The following MACROD2 variants were observed in gnomAD, a reference collection of about 807,000 sequenced individuals.
MACROD2 encodes ADP-ribose glycohydrolase MACROD2.
Under a neutral mutation model 70.4 loss-of-function variants are expected in MACROD2, and 36 were observed. The observed-to-expected ratio is 0.51, with a 90% CI of 0.39 to 0.68. The LOEUF (loss-of-function observed/expected upper bound fraction) is 0.68. Ranked by LOEUF, MACROD2 falls within the 30% of genes least tolerant of loss-of-function variation. The pLI, the probability that MACROD2 is intolerant of heterozygous loss-of-function variation, is 0.00. For synonymous variants in MACROD2, 172 were observed against 178.8 expected (o/e 0.96, Z 0.30); for missense variants, 496 against 538.4 (o/e 0.92, Z 0.78).
intron 7 of MACROD2, among the ~76,000 whole-genome samples, chr20:15,451,809 C>G (rs2046647627): frequency 6.6e-6 from 1 of 152,174 alleles, no homozygotes; most frequent in African/African-American, 2.4e-5. Context: ...ACTGCTCGCT[C>G]TGCATCTCAG....
intron 6 of MACROD2, among the ~76,000 whole-genome samples, chr20:15,355,742 A>G (rs2078279555): frequency 6.6e-6 from 1 of 152,158 alleles, no homozygotes; most frequent in African/African-American, 2.4e-5. Flanking sequence ...CAATACTATC[A>G]CTTACGAAAT....
At chr20:14,990,012 A>G (rs1427228323) in intron 5 of MACROD2, among the ~76,000 whole-genome samples, 2 of 152,114 alleles carry the variant, frequency 1.3e-5, no homozygotes, top group African/African-American at 2.4e-5. Flanking sequence ...CTGTGGTTAC[A>G]TAGCTCTAAA....
At chr20:14,278,440 T>G (rs1353800031) in intron 3 of MACROD2, among the ~76,000 whole-genome samples, 1 of 152,186 alleles carries the variant, frequency 6.6e-6, no homozygotes, top group Admixed American at 6.5e-5. Flanking sequence ...GAAAATTAAT[T>G]GCTGTGAGTA....
At chr20:14,255,683 T>TAATAAATAAATA (rs199558871) in intron 3 of MACROD2, among the ~76,000 whole-genome samples, 443 of 136,930 alleles carry the variant, frequency 3.2e-3, no homozygotes, top group African/African-American at 9.8e-3. Context: ...CTTAAAAGTA[T>TAATAAATAAATA]AATAAATAAA....
chr20:14,819,422 G>A (rs1357994264), intron 5 of MACROD2, among the ~76,000 whole-genome samples: 1 of 149,362 alleles, frequency 6.7e-6, no homozygotes, highest in Non-Finnish European at 1.5e-5. Flanking sequence ...GAGAATTCAA[G>A]TTTCATTCAC....
intron 4 of MACROD2, among the ~76,000 whole-genome samples, chr20:14,576,805 CTTA>C (rs1340377944): frequency 6.6e-6 from 1 of 152,038 alleles, no homozygotes; most frequent in Non-Finnish European, 1.5e-5. Flanking sequence ...ATTTTCAGGG[CTTA>C]TATTGGAAGA....
intron 8 of MACROD2, among the ~76,000 whole-genome samples, chr20:15,665,401 C>T (rs550223948): frequency 1.3e-5 from 2 of 152,172 alleles, no homozygotes; most frequent in South Asian, 4.2e-4. Flanking sequence ...TATAACTCAC[C>T]CCTTACATGT....
intron 4 of MACROD2, among the ~76,000 whole-genome samples, chr20:14,666,716 A>G (rs1030583937): frequency 7.2e-5 from 11 of 151,852 alleles, no homozygotes; most frequent in Non-Finnish European, 1.3e-4. Context: ...CATGTGATAT[A>G]CTAGATACCA....
chr20:14,451,089 A>G (rs746145324), intron 3 of MACROD2, among the ~76,000 whole-genome samples: 4 of 152,118 alleles, frequency 2.6e-5, no homozygotes, highest in Non-Finnish European at 4.4e-5. Flanking sequence ...GGCTGGTCCC[A>G]GGAAGCACTG....
intron 2 of MACROD2, among the ~76,000 whole-genome samples, chr20:14,054,701 G>A (rs772561033): frequency 2.5e-4 from 38 of 152,148 alleles, no homozygotes; most frequent in Admixed American, 1.0e-3. Flanking sequence ...AGATGTCACA[G>A]AGAGGTGTAG....
At chr20:15,347,717 A>T (rs2078181763) in intron 6 of MACROD2, among the ~76,000 whole-genome samples, 1 of 152,214 alleles carries the variant, frequency 6.6e-6, no homozygotes, top group Non-Finnish European at 1.5e-5. Flanking sequence ...ACTTCTTTTT[A>T]AAAAATTGTC....
chr20:14,446,325 G>A (rs1219138175), intron 3 of MACROD2, among the ~76,000 whole-genome samples: 1 of 152,040 alleles, frequency 6.6e-6, no homozygotes, highest in Non-Finnish European at 1.5e-5. Flanking sequence ...ACCATTTATA[G>A]ATGTGGAAAT....
At chr20:16,019,325 A>G (rs964474216) in intron 15 of MACROD2, among the ~76,000 whole-genome samples, 5 of 152,204 alleles carry the variant, frequency 3.3e-5, no homozygotes, top group African/African-American at 9.7e-5. Flanking sequence ...GCATCTGAGG[A>G]GCCACACTGG....
intron 5 of MACROD2, among the ~76,000 whole-genome samples, chr20:15,074,307 A>C (rs535733105): frequency 6.6e-6 from 1 of 152,320 alleles, no homozygotes; most frequent in South Asian, 2.1e-4. Flanking sequence ...TAATTTAATC[A>C]ATCATGCGTA....
At chr20:14,803,028 C>T (rs772473333) in intron 5 of MACROD2, among the ~76,000 whole-genome samples, 14 of 152,186 alleles carry the variant, frequency 9.2e-5, no homozygotes, top group Middle Eastern at 3.4e-3. Flanking sequence ...TACATATACT[C>T]AATATGGTTT....
At chr20:14,077,630 A>G (rs558056036) in intron 2 of MACROD2, among the ~76,000 whole-genome samples, 62 of 152,336 alleles carry the variant, frequency 4.1e-4, no homozygotes, top group Admixed American at 8.5e-4. Context: ...AAATAAGATT[A>G]CTGGTTATTC....
At chr20:14,967,268 C>A (rs1409192545) in intron 5 of MACROD2, among the ~76,000 whole-genome samples, 1 of 152,184 alleles carries the variant, frequency 6.6e-6, no homozygotes, top group Non-Finnish European at 1.5e-5. Flanking sequence ...TCTCTGCTCA[C>A]TGCAACCTCC....
At chr20:15,353,680 G>C (rs927064983) in intron 6 of MACROD2, among the ~76,000 whole-genome samples, 1,795 of 148,334 alleles carry the variant, frequency 0.012, 46 homozygotes, top group African/African-American at 0.041. Flanking sequence ...CCATCAAAAA[G>C]TGGGCAAAGG....
chr20:15,729,831 C>CTTTTTTTTTTTTTTT (rs61542762), intron 8 of MACROD2, among the ~76,000 whole-genome samples: 5,173 of 64,512 alleles, frequency 0.08, 1,801 homozygotes, highest in Non-Finnish European at 0.11. Context: ...TTGGGTCATG[C>CTTTTTTTTTTTTTTT]TTTTTTTTTT....
Sources: allele counts gnomAD v4.1 joint callset (sites outside exome capture counted in the v4.1 genomes callset), GRCh38; gene constraint gnomAD v4.1.1; transcripts MANE v1.5; gene names NCBI Gene and HGNC (gene_info 2026-07-23, HGNC 2026-07-21).